Variants in NRBP2 observed in about 807,000 individuals in gnomAD.
NRBP2 encodes the protein nuclear receptor binding protein 2.
Under a neutral mutation model 74.4 loss-of-function variants are expected in NRBP2, and 47 were observed. That is an observed-to-expected ratio of 0.63 (90% confidence interval 0.50 to 0.81). The LOEUF (loss-of-function observed/expected upper bound fraction) is 0.81. NRBP2 is among the 30% of genes least tolerant of loss of function. NRBP2 has a pLI of 0.00. For missense variants in NRBP2, 613 were observed against 690.1 expected (o/e 0.89, Z 1.25); for synonymous variants, 312 against 273.8 (o/e 1.14, Z -1.38).
In NRBP2 at chr8:143,834,095, T is replaced by C; in HGVS notation, c.*1567A>G. 6.6e-6 allele frequency: 1 copy of C among 152,226 alleles called. No homozygotes were observed. The highest frequency in any genetic ancestry group is 1.9e-4 in the East Asian group (1 of 5,200). 9.4% of individuals were successfully genotyped at this position (152,226 alleles called of 1,614,324 possible). On this transcript the variant is annotated 3_prime_UTR_variant, in exon 18 of 18. Transcript: ENST00000442628. ...TTCCTTAATCCCTGGAACCAGTGAA[T>C]GTTAGTTTACATGGCAAAATGTGTC...
chr8:143,831,656 C>G (rs1818169392), downstream of NRBP2, among the ~76,000 whole-genome samples: 1 of 152,106 alleles, frequency 6.6e-6, no homozygotes, highest in Non-Finnish European at 1.5e-5. Context: ...AGTCCAACAT[C>G]TAAATAAATT....
In NRBP2 at chr8:143,834,512, G is replaced by A. The variant is rs1818276629; in HGVS notation, c.*1150C>T. On this transcript the variant is annotated 3_prime_UTR_variant, in exon 18 of 18. Transcript: ENST00000442628. ...AGTGAGACCCATAGTCAGACTTCCAGCCTACAGAATTGCAATAAATTTGTG... is the reference window on the plus strand; with the variant it reads ...AGTGAGACCCATAGTCAGACTTCCAACCTACAGAATTGCAATAAATTTGTG... 1 of 152,198 alleles carries A rather than the reference G, an allele frequency of 6.6e-6. No individual in the cohort carries two copies. Among genetic ancestry groups the A allele is most frequent in the African/African-American group, 2.4e-5 (1 of 41,434 alleles). 9.4% of individuals were successfully genotyped at this position (152,198 alleles called of 1,614,324 possible). A position where few individuals can be genotyped will look rare whatever the true frequency, so the allele number is the denominator to read the frequency against.
In NRBP2 at chr8:143,839,883, C is replaced by G. The variant is rs1586663636; in HGVS notation, c.354+46G>C. The G allele has an allele frequency of 6.5e-7, 1 of 1,535,258 alleles. No homozygotes were observed. The highest frequency in any genetic ancestry group is 8.7e-7 in the Non-Finnish European group (1 of 1,146,100). On this transcript the variant is annotated intron_variant, in intron 3 of 17. Coordinates refer to ENST00000442628, the MANE Select transcript of NRBP2 (RefSeq NM_178564.4). The surrounding 1 kb of genome is among the most constrained non-coding windows in gnomAD (Gnocchi z 5.1). ...TGCGGGTTCGTCCCCATGCCCGCCC[C>G]ACCTAGCTGTGGTCTCTGCCTGCCC...
downstream of NRBP2, among the ~76,000 whole-genome samples, chr8:143,832,238 C>A (rs1818190797): frequency 6.6e-6 from 1 of 151,584 alleles, no homozygotes; most frequent in South Asian, 2.1e-4. Flanking sequence ...CCTTAAGAGT[C>A]ATCACCACTC....
At position 143,840,231 on chromosome 8, in the gene NRBP2, T is replaced by G. The variant is rs1554653402; in HGVS notation, c.130-2A>C. Reference sequence around the variant, plus strand: ...CCCTGGCATGTTCCCTTGGTTTACCTGGGGGTGAATAAAGGGTTATGTGTG... The same window carrying G: ...CCCTGGCATGTTCCCTTGGTTTACCGGGGGGTGAATAAAGGGTTATGTGTG... On this transcript the variant is annotated splice_acceptor_variant, in intron 1 of 17. Coordinates refer to ENST00000442628, the MANE Select transcript of NRBP2 (RefSeq NM_178564.4). LOFTEE classifies it high-confidence loss of function. The surrounding 1 kb of genome is among the most constrained non-coding windows in gnomAD (Gnocchi z 5.7). The G allele has an allele frequency of 2.0e-6, 3 of 1,535,950 alleles. No homozygotes were observed. The highest frequency in any genetic ancestry group is 2.6e-6 in the Non-Finnish European group (3 of 1,146,812).
Position 143,838,863 on chromosome 8 carries a change from G to T in NRBP2, c.744+20C>A. 6.2e-7 allele frequency: 1 copy of T among 1,613,352 alleles called. No individual in the cohort carries two copies. ...AGTTAGGAGGAGGGCAGAGCACAAG[G>T]TGGAGGGCGGGGGCAGTACCTCCAG... On this transcript the variant is annotated intron_variant, in intron 9 of 17. Coordinates refer to ENST00000442628, the MANE Select transcript of NRBP2 (RefSeq NM_178564.4).
At position 143,837,721 on chromosome 8, in the gene NRBP2, G is replaced by T. The variant is rs1818485166; in HGVS notation, c.875C>A (p.Ala292Asp). 1 of 1,563,088 alleles carries T rather than the reference G, an allele frequency of 6.4e-7. No individual in the cohort carries two copies. Among genetic ancestry groups the T allele is most frequent in the Admixed American group, 1.9e-5 (1 of 51,676 alleles). Residue 292 changes from alanine (A) to aspartate (D), a missense_variant, in exon 11 of 18, where the codon GCC becomes GAC. Transcript: ENST00000442628. This position sits in a 1 kb window ranked among gnomAD's most constrained non-coding sequence, Gnocchi z 4.3. ...GAGGCTGTGGGCAGAGGGCCGGCGG[G>T]CAGGGTCCCGGGCCAGGCAGCAAAG... is the stretch of plus-strand genomic sequence containing the variant. Reference protein sequence around the residue: ...FILCCLARDPARRPSAHSLLF... With the variant: ...FILCCLARDPDRRPSAHSLLF...
rs1563858607 is a variant in NRBP2 at position 143,835,917 on chromosome 8, C to A, written c.1382-42G>T. 1 of 1,593,564 alleles carries A rather than the reference C, an allele frequency of 6.3e-7. No homozygotes were observed. The highest frequency in any genetic ancestry group is 1.7e-5 in the Admixed American group (1 of 58,372). On this transcript the variant is annotated intron_variant, in intron 16 of 17. Coordinates refer to ENST00000442628, the MANE Select transcript of NRBP2 (RefSeq NM_178564.4). The surrounding 1 kb of genome is among the most constrained non-coding windows in gnomAD (Gnocchi z 4.9). ...AGGCGAGGCATGAGGCCGCTGCCCACCCGCCGCCTGGGGTCACCGCCCGCC... is the reference window on the plus strand; with the variant it reads ...AGGCGAGGCATGAGGCCGCTGCCCAACCGCCGCCTGGGGTCACCGCCCGCC...
intron 14 of NRBP2, among the ~76,000 whole-genome samples, chr8:143,836,596 C>CGA (rs1200435556): frequency 6.6e-6 from 1 of 150,900 alleles, no homozygotes; most frequent in African/African-American, 2.4e-5. Flanking sequence ...TGCACTGCAC[C>CGA]GAGAGAGGCC....
In NRBP2 at chr8:143,835,832, G is replaced by A. The variant is rs146913476; in HGVS notation, c.1425C>T (p.Gly475=). ...QDLASELVHY[G]FLHEDDRMKL... is the part of the protein sequence containing the mutation. Reference sequence around the variant, plus strand: ...CCGCCCAGCGCACCTCGTGGAGGAAGCCATAGTGCACGAGCTCCGAGGCGA... The same window carrying A: ...CCGCCCAGCGCACCTCGTGGAGGAAACCATAGTGCACGAGCTCCGAGGCGA... The change falls in exon 17 of 18, where the codon GGC becomes GGT. Residue 475 remains glycine (G), a synonymous_variant. Coordinates refer to ENST00000442628, the MANE Select transcript of NRBP2 (RefSeq NM_178564.4). The surrounding 1 kb of genome is among the most constrained non-coding windows in gnomAD (Gnocchi z 4.9). 616 of 1,602,060 alleles carry A rather than the reference G, an allele frequency of 3.8e-4. No homozygotes were observed. Among genetic ancestry groups the A allele is most frequent in the Non-Finnish European group, 4.9e-4 (582 of 1,176,158 alleles).
rs781823007 is a variant in NRBP2 at position 143,839,374 on chromosome 8, C to T, written c.520G>A (p.Gly174Arg). The T allele has an allele frequency of 5.0e-6, 8 of 1,589,798 alleles. No homozygotes were observed. Among genetic ancestry groups the T allele is most frequent in the African/African-American group, 1.3e-5 (1 of 74,644 alleles). The change falls in exon 6 of 18, where the codon GGG (glycine) becomes AGG (arginine). Residue 174 changes from glycine (G) to arginine (R), a missense_variant. Physicochemically the swap from Gly to Arg is moderately radical, Grantham distance 125 (BLOSUM62 -2). Transcript: ENST00000442628. This position sits in a 1 kb window ranked among gnomAD's most constrained non-coding sequence, Gnocchi z 5.1. ...LHACSPPIIHGNLTSDTIFIQ... is the reference protein window; with the variant it reads ...LHACSPPIIHRNLTSDTIFIQ... ...AAGATGGTGTCGCTGGTCAGGTTCC[C>T]GTGGATGATTGGGGGGCTGCAGGCG...
chr8:143,832,572 G>A (rs1163840506), downstream of NRBP2, among the ~76,000 whole-genome samples: 1 of 152,242 alleles, frequency 6.6e-6, no homozygotes, highest in Non-Finnish European at 1.5e-5. Flanking sequence ...ACCGCCTTAG[G>A]GCTGGAGGTG....
At position 143,839,650 on chromosome 8, in the gene NRBP2, C is replaced by T. The variant is rs1483689087; in HGVS notation, c.444+86G>A. Reference sequence around the variant, plus strand: ...TCCTCGCCCAGCCCCTGTCCGAGGCCGCCGGGCACCCCCTCACCATCCCAG... The same window carrying T: ...TCCTCGCCCAGCCCCTGTCCGAGGCTGCCGGGCACCCCCTCACCATCCCAG... On this transcript the variant is annotated intron_variant, in intron 4 of 17. Coordinates refer to ENST00000442628, the MANE Select transcript of NRBP2 (RefSeq NM_178564.4). The surrounding 1 kb of genome is among the most constrained non-coding windows in gnomAD (Gnocchi z 5.1). The T allele has an allele frequency of 2.0e-6, 3 of 1,515,616 alleles. No homozygotes were observed. The highest frequency in any genetic ancestry group is 1.2e-5 in the South Asian group (1 of 81,240). The allele number at this position is 1,515,616 out of a possible 1,614,324, so 93.9% of individuals were successfully genotyped here. A position where few individuals can be genotyped will look rare whatever the true frequency, so the allele number is the denominator to read the frequency against.
downstream of NRBP2, among the ~76,000 whole-genome samples, chr8:143,832,702 T>C (rs939257543): frequency 6.6e-6 from 1 of 152,222 alleles, no homozygotes; most frequent in African/African-American, 2.4e-5. Flanking sequence ...TGTTCACGTG[T>C]TTGTCTGCTG....
At position 143,837,362 on chromosome 8, in the gene NRBP2, A is replaced by T; in HGVS notation, c.1076+45T>A. ...GGGCGAGGGGAGGGGAGGTGCGGGG[A>T]GGGGAGGTGTGGGGAGGGGAGGCTT... is the stretch of plus-strand genomic sequence containing the variant. On this transcript the variant is annotated intron_variant, in intron 12 of 17. Transcript: ENST00000442628. This position sits in a 1 kb window ranked among gnomAD's most constrained non-coding sequence, Gnocchi z 4.3. 5.4e-6 allele frequency: 1 copy of T among 185,984 alleles called. No homozygotes were observed. Among genetic ancestry groups the T allele is most frequent in the Non-Finnish European group, 8.0e-6 (1 of 125,016 alleles). 11.5% of individuals were successfully genotyped at this position (185,984 alleles called of 1,614,324 possible). A position where few individuals can be genotyped will look rare whatever the true frequency, so the allele number is the denominator to read the frequency against.
downstream of NRBP2, among the ~76,000 whole-genome samples, chr8:143,832,098 C>T (rs1274487448): frequency 1.3e-5 from 2 of 152,352 alleles, no homozygotes; most frequent in South Asian, 2.1e-4. Flanking sequence ...TGCCTTGAGA[C>T]TCTGTTAATC....
At position 143,840,119 on chromosome 8, in the gene NRBP2, G is replaced by A. The variant is rs1554653348; in HGVS notation, c.240C>T (p.Phe80=). ...GCAGCGGTCTCACCTCGTGCGCCGC[G>A]AAGGCCTTCCTGTCTCCGAAGTGGA... is the stretch of plus-strand genomic sequence containing the variant. The part of the protein sequence containing the change: ...NELHFGDRKA[F]AAHEEKIQTV... The change falls in exon 2 of 18, where the codon TTC becomes TTT. Residue 80 remains phenylalanine (F), a synonymous_variant. Coordinates refer to ENST00000442628, the MANE Select transcript of NRBP2 (RefSeq NM_178564.4). The surrounding 1 kb of genome is among the most constrained non-coding windows in gnomAD (Gnocchi z 5.7). 6 of 1,536,030 alleles carry A rather than the reference G, an allele frequency of 3.9e-6. No homozygotes were observed. Among genetic ancestry groups the A allele is most frequent in the South Asian group, 1.2e-5 (1 of 84,068 alleles).
Position 143,839,397 on chromosome 8 carries a change from G to C in NRBP2, c.497C>G (p.Ala166Gly), listed in dbSNP as rs1818587934. ...CCCGTGGATGATTGGGGGGCTGCAG[G>C]CGTGCAGGAAGCTGCAGACGTTGGG... The part of the protein sequence containing the change: ...QILSALSFLH[A>G]CSPPIIHGNL... Residue 166 changes from alanine (A) to glycine (G), a missense_variant, in exon 6 of 18, where the codon GCC (alanine) becomes GGC (glycine). Physicochemically the swap from Ala to Gly is moderately conservative, Grantham distance 60. Transcript: ENST00000442628. This position sits in a 1 kb window ranked among gnomAD's most constrained non-coding sequence, Gnocchi z 5.1. 1 of 1,578,380 alleles carries C rather than the reference G, an allele frequency of 6.3e-7. No homozygotes were observed. The highest frequency in any genetic ancestry group is 1.1e-5 in the South Asian group (1 of 87,758).
Position 143,838,715 on chromosome 8 carries a change from G to A in NRBP2, c.805C>T (p.Arg269Cys), listed in dbSNP as rs561406327. ...DTRVTEEAIARARHSLSDPNM... is the reference protein window; with the variant it reads ...DTRVTEEAIACARHSLSDPNM... ...GGGTCACTCAGCGAGTGCCTGGCGC[G>A]AGCAATGGCCTCCTCTGTGACCCGG... Residue 269 changes from arginine (R) to cysteine (C), a missense_variant, in exon 10 of 18, where the codon CGC becomes TGC. Physicochemically the swap from Arg to Cys is radical, Grantham distance 180. Coordinates refer to ENST00000442628, the MANE Select transcript of NRBP2 (RefSeq NM_178564.4). 2.2e-5 allele frequency: 36 copies of A among 1,612,666 alleles called. No individual in the cohort carries two copies. Among genetic ancestry groups the A allele is most frequent in the Non-Finnish European group, 2.6e-5 (31 of 1,179,370 alleles).
Sources: allele counts gnomAD v4.1 joint callset (sites outside exome capture counted in the v4.1 genomes callset), GRCh38; gene constraint gnomAD v4.1.1; non-coding constraint Gnocchi (gnomAD v3.1); transcripts MANE v1.5; gene names NCBI Gene and HGNC (gene_info 2026-07-23, HGNC 2026-07-21).